ZSWIM4: variants seen among roughly 807,000 people sequenced by gnomAD.
ZSWIM4 encodes the protein zinc finger SWIM-type containing 4.
ZSWIM4 carries 62 observed loss-of-function variants against 102.5 expected under a neutral mutation model. The observed-to-expected ratio is 0.60, with a 90% confidence interval of 0.49 to 0.75. The LOEUF is 0.75. Among genes scored for constraint, ZSWIM4 ranks in the 30% least tolerant of loss-of-function variants. ZSWIM4 has a pLI of 0.00. For missense variants in ZSWIM4, 1,280 were observed against 1,529.6 expected (o/e 0.84, Z 2.72); for synonymous variants, 652 against 674.5 (o/e 0.97, Z 0.52).
intron 13 of ZSWIM4, among the ~76,000 whole-genome samples, chr19:13,829,708 C>T (rs902198224): frequency 6.6e-6 from 1 of 152,000 alleles, no homozygotes; most frequent in Non-Finnish European, 1.5e-5. Context: ...CCCTGTAGTC[C>T]CAGCTACTCA....
rs371862043 is a variant in ZSWIM4 at position 13,808,975 on chromosome 19, G to A, written c.852G>A (p.Met284Ile). The change falls in exon 4 of 14, where the codon ATG (methionine) becomes ATA (isoleucine). Residue 284 changes from methionine (M) to isoleucine (I), a missense_variant. Transcript: ENST00000590508. The part of the protein sequence containing the change: ...YYGASQQLRS[M>I]FSKVREMLRM... Reference sequence around the variant, plus strand: ...GGGCCAGCCAGCAGCTGCGCTCCATGTTCAGCAAGGTGCCGTGCGGGCCGG... The same window carrying A: ...GGGCCAGCCAGCAGCTGCGCTCCATATTCAGCAAGGTGCCGTGCGGGCCGG... The A allele has an allele frequency of 1.2e-6, 2 of 1,611,222 alleles. No individual in the cohort carries two copies. Among genetic ancestry groups the A allele is most frequent in the East Asian group, 2.2e-5 (1 of 44,768 alleles).
At chr19:13,827,603 A>G (rs556716995) in intron 12 of ZSWIM4, among the ~76,000 whole-genome samples, 43 of 143,860 alleles carry the variant, frequency 3.0e-4, no homozygotes, top group Admixed American at 4.7e-4. Flanking sequence ...AAAAAAAAAA[A>G]AAAAGAAAAG....
At chr19:13,824,213 T>C (rs1483866324) in intron 11 of ZSWIM4, among the ~76,000 whole-genome samples, 1 of 152,100 alleles carries the variant, frequency 6.6e-6, no homozygotes, top group East Asian at 1.9e-4. Context: ...CCAGTGTATC[T>C]TCTTCTAAGG....
chr19:13,800,244 CTTTTTTTTTTTTTTTTTTTTTTT>C (rs750229248), intron 2 of ZSWIM4, among the ~76,000 whole-genome samples: 1 of 27,502 alleles, frequency 3.6e-5, no homozygotes. Flanking sequence ...TTTTGTATTT[CTTTTTTTTTTTTTTTTTTTTTTT>C]TTTTTTTTTT....
At chr19:13,824,954 C>G (rs1472150026) in intron 11 of ZSWIM4, among the ~76,000 whole-genome samples, 2 of 151,678 alleles carry the variant, frequency 1.3e-5, no homozygotes, top group African/African-American at 4.8e-5. Context: ...GGTGGCAGGA[C>G]CAGGATTTGA....
intron 7 of ZSWIM4, 140 bp from the exon 8 acceptor site, chr19:13,817,076 A>C: frequency 8.2e-7 from 1 of 1,216,288 alleles, no homozygotes; most frequent in Non-Finnish European, 1.1e-6. Context: ...TCAAAAAAAA[A>C]AGTTGAAGGT....
intron 13 of ZSWIM4, 54 bp downstream of exon 13, chr19:13,828,780 G>C (rs1160628445): frequency 1.3e-6 from 2 of 1,541,718 alleles, no homozygotes; most frequent in African/African-American, 2.7e-5. Flanking sequence ...GTTCTGCAGA[G>C]CGCACTGAGA....
At chr19:13,829,298 AAAAG>A (rs1185144957) in intron 13 of ZSWIM4, among the ~76,000 whole-genome samples, 3 of 150,020 alleles carry the variant, frequency 2.0e-5, no homozygotes, top group East Asian at 2.0e-4. Flanking sequence ...TTGTTTAACA[AAAAG>A]AAAGAGGGCC....
At chr19:13,816,915 T>G (rs1975304433) in intron 7 of ZSWIM4, among the ~76,000 whole-genome samples, 2 of 151,918 alleles carry the variant, frequency 1.3e-5, no homozygotes, top group Non-Finnish European at 1.5e-5. Flanking sequence ...ACTTCGGGTG[T>G]TTTAGAAAGC....
In ZSWIM4 at chr19:13,799,749, G is replaced by A. The variant is rs998542402; in HGVS notation, c.183G>A (p.Glu61=). ...QVEERFSRVP[E]PVQKRIVFWS... The stretch of plus-strand genomic sequence containing the variant: ...AGGAGCGGTTCTCCCGGGTGCCTGA[G>A]CCCGTCCAGAAGCGCATCGTGTTTT... The change falls in exon 2 of 14, where the codon GAG becomes GAA. Residue 61 remains glutamate (E), a synonymous_variant. Transcript: ENST00000590508. The A allele has an allele frequency of 6.2e-7, 1 of 1,614,008 alleles. No homozygotes were observed. Among genetic ancestry groups the A allele is most frequent in the Admixed American group, 1.7e-5 (1 of 60,022 alleles).
intron 3 of ZSWIM4, among the ~76,000 whole-genome samples, chr19:13,808,514 T>A (rs935515578): frequency 4.8e-4 from 73 of 151,812 alleles, no homozygotes; most frequent in South Asian, 4.2e-4. Flanking sequence ...GGCGGGTGGA[T>A]CACCTGAGGT....
At chr19:13,805,174 G>T in intron 3 of ZSWIM4, 26 bp downstream of exon 3, 2 of 1,570,244 alleles carry the variant, frequency 1.3e-6, no homozygotes, top group Non-Finnish European at 8.6e-7. Context: ...GGGTCCGGTG[G>T]GGAGAGGATG....
intron 12 of ZSWIM4, among the ~76,000 whole-genome samples, chr19:13,827,534 A>G (rs972091451): frequency 1.2e-4 from 18 of 145,980 alleles, no homozygotes; most frequent in African/African-American, 4.1e-4. Flanking sequence ...TGTAGGTTAC[A>G]GTGAGCCAAG....
rs74183039 is a variant in ZSWIM4, at chr19:13,800,451, G to C, written c.355+530G>C. Among the ~76,000 whole-genome samples, 837 of 151,916 alleles carry C rather than the reference G, an allele frequency of 5.5e-3. 6 individuals are homozygous for C. The highest frequency in any genetic ancestry group is 0.019 in the African/African-American group (790 of 41,478). ...CGGCTAATTTTTTGTATTTTTAGTAGAGACGGGGTTTCACCATGTTAGCCA... is the reference window on the plus strand; with the variant it reads ...CGGCTAATTTTTTGTATTTTTAGTACAGACGGGGTTTCACCATGTTAGCCA... On this transcript the variant is annotated intron_variant, in intron 2 of 13. Coordinates refer to ENST00000590508, the MANE Select transcript of ZSWIM4 (RefSeq NM_001367834.3).
At position 13,831,070 on chromosome 19, in the gene ZSWIM4, G is replaced by C. The variant is rs1975755907; in HGVS notation, c.*20G>C. On this transcript the variant is annotated 3_prime_UTR_variant, in exon 14 of 14. Transcript: ENST00000590508. ...GGTTGAGGGACAGTGGGGTGCGTGG[G>C]AGTGGGGATCCCCCTCGCCCCTGCG... 1.3e-6 allele frequency: 2 copies of C among 1,546,098 alleles called. No individual in the cohort carries two copies. Among genetic ancestry groups the C allele is most frequent in the Non-Finnish European group, 1.7e-6 (2 of 1,150,988 alleles).
intron 13 of ZSWIM4, among the ~76,000 whole-genome samples, chr19:13,829,118 G>C (rs549342238): frequency 1.3e-5 from 2 of 149,468 alleles, no homozygotes; most frequent in Non-Finnish European, 3.0e-5. Context: ...AAAAAAAAGA[G>C]AGAGAGAGAG....
chr19:13,822,158 ACACAT>A (rs1278825545), intron 10 of ZSWIM4, among the ~76,000 whole-genome samples: 19 of 121,224 alleles, frequency 1.6e-4, no homozygotes, highest in Non-Finnish European at 1.3e-4. Flanking sequence ...AAACACACAC[ACACAT>A]ACACACACAC....
At chr19:13,800,265 TTTTTTTTTTTTTTTTTTTG>T (rs1261117713) in intron 2 of ZSWIM4, among the ~76,000 whole-genome samples, 36 of 75,656 alleles carry the variant, frequency 4.8e-4, no homozygotes, top group South Asian at 1.5e-3. Flanking sequence ...TTTTTTTTTT[TTTTTTTTTTTTTTTTTTTG>T]AGACGGAGTC....
At position 13,817,242 on chromosome 19, in the gene ZSWIM4, A is replaced by T. The variant is rs757227615; in HGVS notation, c.1558A>T (p.Ile520Phe). ...GCTGCTCCAGAAGGGCTCCACCTGC[A>T]TCACCAACACCGAAGGATGGGTGGG... ...KELLQKGSTC[I>F]TNTEGWVGHP... The change falls in exon 8 of 14, where the codon ATC becomes TTC. Residue 520 changes from isoleucine (I) to phenylalanine (F), a missense_variant. Ile to Phe is a conservative substitution (Grantham distance 21, BLOSUM62 0). Coordinates refer to ENST00000590508, the MANE Select transcript of ZSWIM4 (RefSeq NM_001367834.3). 3.1e-6 allele frequency: 5 copies of T among 1,613,594 alleles called. No individual in the cohort carries two copies. Among genetic ancestry groups the T allele is most frequent in the Non-Finnish European group, 4.2e-6 (5 of 1,179,718 alleles).
Sources: allele counts gnomAD v4.1 joint callset (sites outside exome capture counted in the v4.1 genomes callset), GRCh38; gene constraint gnomAD v4.1.1; transcripts MANE v1.5; gene names NCBI Gene and HGNC (gene_info 2026-07-23, HGNC 2026-07-21).